TEX9: variants seen among roughly 807,000 people sequenced by gnomAD.
TEX9 encodes testis-expressed protein 9.
In TEX9, 74 loss-of-function variants were observed where a neutral mutation model predicts 59.6. That is an observed-to-expected ratio of 1.24 (90% confidence interval 1.03 to 1.51). The LOEUF is 1.51. TEX9 is among the 40% of genes most tolerant of loss of function. The pLI is 0.00. For synonymous variants in TEX9, 186 were observed against 152.2 expected, an observed-to-expected ratio of 1.22 and a Z score of -1.64; for missense variants, 522 against 447.8, an observed-to-expected ratio of 1.17 and a Z score of -1.49.
intron 3 of TEX9, 76 bp downstream of exon 3, chr15:56,373,580 T>A (rs767502136): frequency 2.0e-4 from 246 of 1,229,500 alleles, no homozygotes; most frequent in Admixed American, 4.3e-4. Flanking sequence ...ATATGACATA[T>A]ATACAAAACA....
chr15:56,366,002 T>C (rs1185256942), intron 2 of TEX9: 1 of 758,454 alleles, frequency 1.3e-6, no homozygotes, highest in Non-Finnish European at 1.7e-6. Context: ...CTTGATAGTT[T>C]AGGTTATTTC....
At chr15:56,255,704 A>G (rs925562462) in intron 1 of TEX9, among the ~76,000 whole-genome samples, 4 of 152,110 alleles carry the variant, frequency 2.6e-5, no homozygotes, top group African/African-American at 9.6e-5. Flanking sequence ...ATCTAAGAAT[A>G]TAACATCAAA....
At chr15:56,290,776 G>T (rs1283682545) in intron 1 of TEX9, among the ~76,000 whole-genome samples, 1 of 151,160 alleles carries the variant, frequency 6.6e-6, no homozygotes, top group Non-Finnish European at 1.5e-5. Flanking sequence ...TTTCTATGTG[G>T]TTATTCTCCT....
chr15:56,307,099 A>C (rs2045502083), intron 1 of TEX9, among the ~76,000 whole-genome samples: 1 of 152,166 alleles, frequency 6.6e-6, no homozygotes, highest in Admixed American at 6.6e-5. Context: ...AAAATGACTA[A>C]ATATCGGTGA....
intron 1 of TEX9, among the ~76,000 whole-genome samples, chr15:56,256,522 G>A (rs928344058): frequency 6.6e-6 from 1 of 151,948 alleles, no homozygotes; most frequent in Non-Finnish European, 1.5e-5. Flanking sequence ...GTAGAAGCAA[G>A]GGTATTACTA....
intron 1 of TEX9, among the ~76,000 whole-genome samples, chr15:56,330,507 G>A (rs899602269): frequency 6.6e-6 from 1 of 152,100 alleles, no homozygotes; most frequent in Non-Finnish European, 1.5e-5. Context: ...ATAAGTACAA[G>A]CAATGAAAAG....
At chr15:56,302,559 A>G (rs1392630742) in intron 1 of TEX9, among the ~76,000 whole-genome samples, 1 of 152,094 alleles carries the variant, frequency 6.6e-6, no homozygotes, top group African/African-American at 2.4e-5. Context: ...CGAAAGATAC[A>G]CAAAAAGTAA....
rs529867741 is a variant in TEX9, at chr15:56,359,366, A to G, written c.-106-14075A>G. On this transcript the variant is annotated intron_variant, in intron 1 of 5. Coordinates refer to the TEX9 transcript ENST00000560827. Reference sequence around the variant, plus strand: ...TGTACTCATGAAAAAATAACTCCCTATTTTCCTCTCTCCCTAGTCCCTGGT... The same window carrying G: ...TGTACTCATGAAAAAATAACTCCCTGTTTTCCTCTCTCCCTAGTCCCTGGT... Among the ~76,000 whole-genome samples, 11 of 151,964 alleles carry G rather than the reference A, an allele frequency of 7.2e-5. No homozygotes were observed. In the East Asian group the frequency reaches 1.9e-3, roughly 27 times the overall value.
intron 1 of TEX9, among the ~76,000 whole-genome samples, chr15:56,346,356 A>T (rs1158507118): frequency 1.3e-5 from 2 of 152,128 alleles, no homozygotes; most frequent in African/African-American, 4.8e-5. Context: ...CTGAGCTAAG[A>T]TGGGTGTCTG....
At chr15:56,313,215 T>A in intron 1 of TEX9, among the ~76,000 whole-genome samples, 1 of 144,464 alleles carries the variant, frequency 6.9e-6, no homozygotes, top group Non-Finnish European at 1.5e-5. Context: ...GGCATCCCTG[T>A]CTTGTGCCAG....
At chr15:56,260,729 ATTTT>A (rs1199018049) in intron 1 of TEX9, among the ~76,000 whole-genome samples, 6 of 151,858 alleles carry the variant, frequency 4.0e-5, no homozygotes, top group Admixed American at 1.3e-4. Context: ...TCTTTGTCAT[ATTTT>A]TGTGTTAGGG....
chr15:56,430,625 C>G (rs1468157783), intron 12 of TEX9, among the ~76,000 whole-genome samples: 1 of 152,226 alleles, frequency 6.6e-6, no homozygotes, highest in Non-Finnish European at 1.5e-5. Flanking sequence ...GCAGATCTGT[C>G]TCAAGCTCAG....
chr15:56,273,746 T>C (rs2044604890), intron 1 of TEX9, among the ~76,000 whole-genome samples: 1 of 152,182 alleles, frequency 6.6e-6, no homozygotes, highest in Non-Finnish European at 1.5e-5. Flanking sequence ...ACTTTAAATA[T>C]TTCTTTCCAT....
At chr15:56,285,651 C>T (rs1425981419) in intron 1 of TEX9, among the ~76,000 whole-genome samples, 1 of 152,094 alleles carries the variant, frequency 6.6e-6, no homozygotes, top group Non-Finnish European at 1.5e-5. Context: ...CTTTTCAGTT[C>T]TTCAGTACTC....
At chr15:56,367,520 T>A (rs1417893222) in intron 2 of TEX9, among the ~76,000 whole-genome samples, 1 of 152,118 alleles carries the variant, frequency 6.6e-6, no homozygotes, top group African/African-American at 2.4e-5. Flanking sequence ...ATCGCTCAAG[T>A]GGATAGATTT....
At chr15:56,317,027 C>T (rs1319729785) in intron 1 of TEX9, among the ~76,000 whole-genome samples, 1 of 152,144 alleles carries the variant, frequency 6.6e-6, no homozygotes, top group Non-Finnish European at 1.5e-5. Flanking sequence ...GGTGCGCGCA[C>T]CCACTGACCT....
At chr15:56,365,355 G>C, upstream of TEX9, 4 of 1,484,638 alleles carry the variant, frequency 2.7e-6, no homozygotes, top group Admixed American at 2.3e-5. Context: ...CTGAGAGTGG[G>C]AAGGCGTAGG....
intron 1 of TEX9, among the ~76,000 whole-genome samples, chr15:56,312,620 T>C (rs1180520232): frequency 1.5e-4 from 22 of 146,578 alleles, no homozygotes; most frequent in African/African-American, 4.1e-4. Flanking sequence ...ATTGACTTGG[T>C]GATGCGGGCT....
downstream of TEX9, among the ~76,000 whole-genome samples, chr15:56,450,435 AC>A (rs2050939986): frequency 6.6e-6 from 1 of 151,784 alleles, no homozygotes; most frequent in Non-Finnish European, 1.5e-5. Context: ...CCTCTCCCTA[AC>A]CCCTGGAATT....
Sources: allele counts gnomAD v4.1 joint callset (sites outside exome capture counted in the v4.1 genomes callset), GRCh38; gene constraint gnomAD v4.1.1; transcripts MANE v1.5; gene names NCBI Gene and HGNC (gene_info 2026-07-23, HGNC 2026-07-21).